RB1CC1: variants seen among roughly 807,000 people sequenced by gnomAD.
RB1CC1 encodes the protein RB1 inducible coiled-coil 1.
Under a neutral mutation model 177.5 loss-of-function variants are expected in RB1CC1, and 46 were observed. That is an observed-to-expected ratio of 0.26 (90% CI 0.20 to 0.33). RB1CC1 has a LOEUF of 0.33. RB1CC1 is among the 10% of genes least tolerant of loss of function. The pLI, the probability that RB1CC1 is intolerant of heterozygous loss-of-function variation, is 1.00. For missense variants in RB1CC1, 1,703 were observed against 1,816.3 expected (o/e 0.94, Z 1.13); for synonymous variants, 666 against 613.6 (o/e 1.09, Z -1.26).
Position 52,656,313 on chromosome 8 carries a change from T to C in RB1CC1, c.3516A>G (p.Leu1172=), listed in dbSNP as rs1433200493. ...HNQAFEIEKN[L]KEQIIELQSK... ...TCTGCAGTTCAATTATTTGTTCTTT[T>C]AGGTTTTTTTCTATTTCAAATGCTT... The change falls in exon 15 of 24, where the codon CTA becomes CTG. Residue 1172 remains leucine (L), a synonymous_variant. Coordinates refer to ENST00000025008, the MANE Select transcript of RB1CC1 (RefSeq NM_014781.5). The C allele has an allele frequency of 2.5e-6, 4 of 1,613,050 alleles. No individual in the cohort carries two copies. Among genetic ancestry groups the C allele is most frequent in the Admixed American group, 3.3e-5 (2 of 59,960 alleles).
Position 52,655,979 on chromosome 8 carries a change from T to A in RB1CC1, c.3821+29A>T. On this transcript the variant is annotated intron_variant, in intron 15 of 23. Transcript: ENST00000025008. Reference sequence around the variant, plus strand: ...AAACGAATCACTGATATTTTAATTTTATAATTACAGACTAAACTTAATTCT... The same window carrying A: ...AAACGAATCACTGATATTTTAATTTAATAATTACAGACTAAACTTAATTCT... 2.0e-6 allele frequency: 3 copies of A among 1,486,958 alleles called. No homozygotes were observed. In the South Asian group the frequency reaches 3.7e-5, roughly 18 times the overall value. 92.1% of individuals were successfully genotyped at this position (1,486,958 alleles called of 1,614,324 possible). A position where few individuals can be genotyped will look rare whatever the true frequency, so the allele number is the denominator to read the frequency against.
At chr8:52,708,680 G>C (rs558862614) in intron 1 of RB1CC1, among the ~76,000 whole-genome samples, 49 of 152,178 alleles carry the variant, frequency 3.2e-4, no homozygotes, top group Non-Finnish European at 6.2e-4. Context: ...TCTCTTATCT[G>C]GGGGGAAAAA....
chr8:52,676,654 C>T (rs942653829), intron 5 of RB1CC1, 83 bp from the exon 6 acceptor site: 26 of 1,178,830 alleles, frequency 2.2e-5, no homozygotes, highest in Middle Eastern at 2.2e-4. Context: ...CAAACATGTA[C>T]GTGTGGATGC....
chr8:52,705,654 A>T (rs930213203), intron 1 of RB1CC1, among the ~76,000 whole-genome samples: 11 of 152,216 alleles, frequency 7.2e-5, no homozygotes, highest in African/African-American at 1.9e-4. Context: ...ATCACTTTTT[A>T]AAATGATGAA....
chr8:52,702,197 T>G (rs923653273), intron 1 of RB1CC1, among the ~76,000 whole-genome samples: 1 of 152,226 alleles, frequency 6.6e-6, no homozygotes, highest in Non-Finnish European at 1.5e-5. Context: ...CAGATTTTAA[T>G]TGAAATGTAT....
chr8:52,656,242 T>A lies in RB1CC1; in HGVS notation c.3587A>T (p.Glu1196Val), dbSNP rs140041655. ...ELSALERQKDEKITQQEEKYE... is the reference protein window; with the variant it reads ...ELSALERQKDVKITQQEEKYE... Reference sequence around the variant, plus strand: ...TTTCTCTTCTTGTTGGGTAATTTTTTCATCTTTTTGTCTTTCAAGAGCACT... The same window carrying A: ...TTTCTCTTCTTGTTGGGTAATTTTTACATCTTTTTGTCTTTCAAGAGCACT... The change falls in exon 15 of 24, where the codon GAA (glutamate) becomes GTA (valine). Residue 1196 changes from glutamate to valine, a missense_variant. Physicochemically the swap from Glu to Val is moderately radical, Grantham distance 121. Coordinates refer to ENST00000025008, the MANE Select transcript of RB1CC1 (RefSeq NM_014781.5). 4 of 1,613,326 alleles carry A rather than the reference T, an allele frequency of 2.5e-6. No individual in the cohort carries two copies. The highest frequency in any genetic ancestry group is 3.4e-6 in the Non-Finnish European group (4 of 1,179,790).
chr8:52,638,083 C>CATT (rs2150398097), intron 18 of RB1CC1, among the ~76,000 whole-genome samples: 1 of 152,278 alleles, frequency 6.6e-6, no homozygotes, highest in South Asian at 2.1e-4. Flanking sequence ...AGGGGAAAAG[C>CATT]ATTCAGTCTT....
intron 18 of RB1CC1, among the ~76,000 whole-genome samples, chr8:52,636,687 A>G (rs1849167703): frequency 1.3e-5 from 2 of 152,180 alleles, no homozygotes; most frequent in Admixed American, 1.3e-4. Flanking sequence ...AAGGTCATAA[A>G]GATTGACTTC....
rs1292361822 is a variant in RB1CC1, at chr8:52,657,130, A to G, written c.2699T>C (p.Val900Ala). 1 of 1,611,382 alleles carries G rather than the reference A, an allele frequency of 6.2e-7. No individual in the cohort carries two copies. The highest frequency in any genetic ancestry group is 1.7e-5 in the Admixed American group (1 of 59,880). The change falls in exon 15 of 24, where the codon GTA (valine) becomes GCA (alanine). Residue 900 changes from valine (V) to alanine (A), a missense_variant. Transcript: ENST00000025008. ...NKIKKLKGEL[V>A]CLEEVLQNKD... ...ATTTTGTAAAACCTCCTCAAGGCAT[A>G]CTAACTCTCCCTTCAATTTTTTAAT...
intron 1 of RB1CC1, among the ~76,000 whole-genome samples, chr8:52,700,542 C>A (rs1356963597): frequency 2.6e-5 from 4 of 151,726 alleles, no homozygotes; most frequent in Non-Finnish European, 5.9e-5. Context: ...TTAGAAAAAA[C>A]AAAAAGAAAA....
Position 52,622,807 on chromosome 8 carries a change from G to T in RB1CC1, c.*975C>A, listed in dbSNP as rs947001881. 6.6e-6 allele frequency: 1 copy of T among 151,824 alleles called. No homozygotes were observed. The highest frequency in any genetic ancestry group is 1.5e-5 in the Non-Finnish European group (1 of 67,558). 9.4% of individuals were successfully genotyped at this position (151,824 alleles called of 1,614,324 possible). On this transcript the variant is annotated 3_prime_UTR_variant, in exon 24 of 24. Transcript: ENST00000025008. ...TAATAAACATGTTTCTCTTTGATAT[G>T]ATACATAACAATATTTTCACACTTC... is the stretch of plus-strand genomic sequence containing the variant.
At chr8:52,646,112 T>C (rs1849999676) in intron 15 of RB1CC1, among the ~76,000 whole-genome samples, 1 of 152,184 alleles carries the variant, frequency 6.6e-6, no homozygotes, top group South Asian at 2.1e-4. Context: ...CCAGATAATT[T>C]GCTTATATCA....
intron 5 of RB1CC1, among the ~76,000 whole-genome samples, chr8:52,679,109 A>G (rs1023082690): frequency 7.2e-5 from 11 of 152,224 alleles, no homozygotes; most frequent in African/African-American, 2.7e-4. Flanking sequence ...CTGTGAAAGA[A>G]TAACAAATCT....
Position 52,656,664 on chromosome 8 carries a change from G to A in RB1CC1, c.3165C>T (p.Asp1055=), listed in dbSNP as rs1425447218. 2 of 1,613,722 alleles carry A rather than the reference G, an allele frequency of 1.2e-6. No homozygotes were observed. Among genetic ancestry groups the A allele is most frequent in the African/African-American group, 1.3e-5 (1 of 74,906 alleles). The change falls in exon 15 of 24, where the codon GAC becomes GAT. Residue 1055 remains aspartate (D), a synonymous_variant. Coordinates refer to ENST00000025008, the MANE Select transcript of RB1CC1 (RefSeq NM_014781.5). ...ELKLKVSDLS[D]TRCKLEVELA... is the part of the protein sequence containing the mutation. ...GTTCAACCTCTAACTTGCATCTCGT[G>A]TCTGACAAATCAGAAACCTTGAGTT... is the stretch of plus-strand genomic sequence containing the variant.
intron 7 of RB1CC1, among the ~76,000 whole-genome samples, chr8:52,671,607 G>A (rs145647705): frequency 1.3e-5 from 2 of 152,228 alleles, no homozygotes; most frequent in African/African-American, 2.4e-5. Flanking sequence ...CATTCATTAC[G>A]CAATACATCA....
intron 15 of RB1CC1, among the ~76,000 whole-genome samples, chr8:52,652,912 C>A (rs1268754087): frequency 6.6e-6 from 1 of 151,976 alleles, no homozygotes; most frequent in East Asian, 1.9e-4. Flanking sequence ...ACAAAATTAG[C>A]CAGGCGTGGT....
intron 5 of RB1CC1, among the ~76,000 whole-genome samples, chr8:52,681,451 T>C (rs1399265054): frequency 6.6e-6 from 1 of 152,174 alleles, no homozygotes. Flanking sequence ...GTAAATGAAG[T>C]AATCAGACAT....
Position 52,714,125 on chromosome 8 carries a change from C to G in RB1CC1, c.-217G>C. The G allele has an allele frequency of 3.1e-6, 1 of 325,592 alleles. No individual in the cohort carries two copies. The highest frequency in any genetic ancestry group is 6.3e-6 in the Non-Finnish European group (1 of 157,844). 20.2% of individuals were successfully genotyped at this position (325,592 alleles called of 1,614,324 possible). On this transcript the variant is annotated 5_prime_UTR_variant, in exon 1 of 24. Transcript: ENST00000025008. Reference sequence around the variant, plus strand: ...CGGCAGCAGCAGAGCCAGCGACCCCCGGCACCATCTTCCGCCGCCGCCTAG... The same window carrying G: ...CGGCAGCAGCAGAGCCAGCGACCCCGGGCACCATCTTCCGCCGCCGCCTAG...
chr8:52,703,826 C>G lies in RB1CC1; in HGVS notation c.-167+10249G>C, dbSNP rs143911857. On this transcript the variant is annotated intron_variant, in intron 1 of 23. Transcript: ENST00000025008. ...CAATACCTAACATACTACCTAGAGA[C>G]AGTAAACAGTCAATAAATGTTTGCG... 9.4e-3 allele frequency among the ~76,000 whole-genome samples: 1,430 copies of G among 152,286 alleles called. 22 individuals are homozygous for G. The highest frequency in any genetic ancestry group is 0.014 in the Middle Eastern group (4 of 294).
Sources: allele counts gnomAD v4.1 joint callset (sites outside exome capture counted in the v4.1 genomes callset), GRCh38; gene constraint gnomAD v4.1.1; transcripts MANE v1.5; gene names NCBI Gene and HGNC (gene_info 2026-07-23, HGNC 2026-07-21).